The following CCNF variants were observed in gnomAD, a reference collection of about 807,000 sequenced individuals.
CCNF encodes the protein cyclin F.
In CCNF, 30 loss-of-function variants were observed where a neutral mutation model predicts 85.4. The observed-to-expected ratio is 0.35, with a 90% CI of 0.26 to 0.48. The LOEUF (loss-of-function observed/expected upper bound fraction) is 0.48, where lower values mean the gene tolerates loss of function less well. Among genes scored for constraint, CCNF ranks in the 20% least tolerant of loss-of-function variants. CCNF has a pLI of 0.99. For missense variants in CCNF, 919 were observed against 1,010.4 expected (o/e 0.91, Z 1.23); for synonymous variants, 439 against 425.1 (o/e 1.03, Z -0.40).
intron 8 of CCNF, 104 bp downstream of exon 8, chr16:2,439,930 TC>T: frequency 1.0e-6 from 1 of 968,990 alleles, no homozygotes. Context: ...CTATCTGGGC[TC>T]CCACATGGGA....
chr16:2,437,212 G>T lies in CCNF; in HGVS notation c.430G>T (p.Gly144Cys). 6.2e-7 allele frequency: 1 copy of T among 1,612,956 alleles called. No individual in the cohort carries two copies. Among genetic ancestry groups the T allele is most frequent in the South Asian group, 1.1e-5 (1 of 91,004 alleles). ...FFSLAERLNV[G>C]AAPFIWLFIR... is the part of the protein sequence containing the mutation. ...CAGTCTCGCTGAGCGGCTGAATGTG[G>T]GTGCCGCACCTTTCATCTGGCTCTT... Residue 144 changes from glycine to cysteine, a missense_variant, in exon 5 of 17, where the codon GGT (glycine) becomes TGT (cysteine). Physicochemically the swap from Gly to Cys is radical, Grantham distance 159 (BLOSUM62 -3). Coordinates refer to ENST00000397066, the MANE Select transcript of CCNF (RefSeq NM_001761.3).
intron 15 of CCNF, among the ~76,000 whole-genome samples, chr16:2,454,639 T>G (rs1310727780): frequency 1.3e-5 from 2 of 152,214 alleles, no homozygotes; most frequent in Non-Finnish European, 2.9e-5. Flanking sequence ...GCCCACACAC[T>G]GGCCTCTAGC....
At position 2,448,838 on chromosome 16, in the gene CCNF, C is replaced by G. The variant is rs761528479; in HGVS notation, c.1095-17C>G. 1 of 1,612,610 alleles carries G rather than the reference C, an allele frequency of 6.2e-7. No homozygotes were observed. The highest frequency in any genetic ancestry group is 8.5e-7 in the Non-Finnish European group (1 of 1,178,916). On this transcript the variant is annotated splice_polypyrimidine_tract_variant and intron_variant, in intron 10 of 16. Transcript: ENST00000397066. ...AGGAAGTGGGCTCCACCCTGAGACC[C>G]CTTCTCGGCGTTGCAGGTTTATCAG...
At chr16:2,447,879 C>T (rs1268966847) in intron 10 of CCNF, among the ~76,000 whole-genome samples, 1 of 152,180 alleles carries the variant, frequency 6.6e-6, no homozygotes, top group Non-Finnish European at 1.5e-5. Context: ...GTCTTTTTGG[C>T]GTCTGCAGCC....
rs1397029384 is a variant in CCNF, at chr16:2,457,790, A to T, written c.*770A>T. On this transcript the variant is annotated 3_prime_UTR_variant, in exon 17 of 17. Coordinates refer to ENST00000397066, the MANE Select transcript of CCNF (RefSeq NM_001761.3). Reference sequence around the variant, plus strand: ...AGAAAAACTTAAAACAGAAGGTATTAAAAAAACAAGAGATTCCCACCATTA... The same window carrying T: ...AGAAAAACTTAAAACAGAAGGTATTTAAAAAACAAGAGATTCCCACCATTA... 1 of 152,224 alleles carries T rather than the reference A, an allele frequency of 6.6e-6. No individual in the cohort carries two copies. The highest frequency in any genetic ancestry group is 6.5e-5 in the Admixed American group (1 of 15,284). 9.4% of individuals were successfully genotyped at this position (152,224 alleles called of 1,614,324 possible). A position where few individuals can be genotyped will look rare whatever the true frequency, so the allele number is the denominator to read the frequency against.
At chr16:2,449,984 A>C in intron 13 of CCNF, 69 bp downstream of exon 13, 1 of 1,081,872 alleles carries the variant, frequency 9.2e-7, no homozygotes. Flanking sequence ...AGGCGGGCAG[A>C]TCATTTGAGG....
intron 10 of CCNF, 126 bp from the exon 11 acceptor site, chr16:2,448,725 CTGTT>C (rs2065375254): frequency 6.3e-6 from 5 of 794,086 alleles, no homozygotes; most frequent in East Asian, 2.5e-5. Context: ...TATGAAGCCT[CTGTT>C]TGTCACCAAA....
intron 8 of CCNF, among the ~76,000 whole-genome samples, chr16:2,442,943 T>A (rs868459847): frequency 0.022 from 1,391 of 63,692 alleles, 50 homozygotes; most frequent in African/African-American, 0.093. Context: ...TTATTATATA[T>A]TATTATATTA....
intron 8 of CCNF, 36 bp from the exon 9 acceptor site, chr16:2,443,613 G>C: frequency 6.3e-7 from 1 of 1,598,828 alleles, no homozygotes; most frequent in Non-Finnish European, 8.6e-7. Flanking sequence ...CAACATGGCT[G>C]CTGTCTCACG....
chr16:2,455,632 G>A, intron 16 of CCNF, 68 bp downstream of exon 16: 1 of 1,513,602 alleles, frequency 6.6e-7, no homozygotes, highest in Admixed American at 2.0e-5. Flanking sequence ...GAGGGCCTCT[G>A]GGCACCCGGC....
At position 2,437,138 on chromosome 16, in the gene CCNF, C is replaced by A; in HGVS notation, c.356C>A (p.Ser119Tyr). 1 of 1,593,252 alleles carries A rather than the reference C, an allele frequency of 6.3e-7. No homozygotes were observed. Among genetic ancestry groups the A allele is most frequent in the South Asian group, 1.1e-5 (1 of 88,804 alleles). Residue 119 changes from serine (S) to tyrosine (Y), a missense_variant, in exon 5 of 17, where the codon TCT (serine) becomes TAT (tyrosine). Coordinates refer to ENST00000397066, the MANE Select transcript of CCNF (RefSeq NM_001761.3). The part of the protein sequence containing the change: ...AYLYNEGLSV[S>Y]DEARAEVNGL... ...CTGTCTGTCCCCGCAGTGTCTGTGTCTGATGAGGCCCGCGCAGAAGTGAAT... is the reference window on the plus strand; with the variant it reads ...CTGTCTGTCCCCGCAGTGTCTGTGTATGATGAGGCCCGCGCAGAAGTGAAT...
chr16:2,432,330 A>G (rs2065267008), intron 2 of CCNF, among the ~76,000 whole-genome samples: 1 of 152,160 alleles, frequency 6.6e-6, no homozygotes, highest in Admixed American at 6.5e-5. Context: ...TTCATGGGGA[A>G]ATGCCAGCAA....
chr16:2,432,076 C>T (rs1450412201), intron 2 of CCNF, among the ~76,000 whole-genome samples: 4 of 152,084 alleles, frequency 2.6e-5, no homozygotes, highest in African/African-American at 7.2e-5. Flanking sequence ...GTGATCCGCC[C>T]GCCTCGGCCT....
intron 12 of CCNF, 21 bp downstream of exon 12, chr16:2,449,483 G>C: frequency 6.3e-7 from 1 of 1,590,340 alleles, no homozygotes; most frequent in South Asian, 1.1e-5. Context: ...GCCCTTCCCA[G>C]GGATGCCTGT....
At chr16:2,455,353 GCCGT>G in intron 15 of CCNF, 38 bp from the exon 16 acceptor site, 1 of 1,513,650 alleles carries the variant, frequency 6.6e-7, no homozygotes. Flanking sequence ...TCCCAGCGCC[GCCGT>G]CCATGACTGG....
rs1457707260 is a variant in CCNF, at chr16:2,452,768, A to C, written c.1488-442A>C. 2.4e-5 allele frequency: 5 copies of C among 205,924 alleles called. No homozygotes were observed. Among genetic ancestry groups the C allele is most frequent in the Non-Finnish European group, 4.0e-5 (4 of 100,056 alleles). 12.8% of individuals were successfully genotyped at this position (205,924 alleles called of 1,614,324 possible). On this transcript the variant is annotated intron_variant, in intron 13 of 16. Coordinates refer to ENST00000397066, the MANE Select transcript of CCNF (RefSeq NM_001761.3). This position sits in a 1 kb window ranked among gnomAD's most constrained non-coding sequence, Gnocchi z 4.1. The stretch of plus-strand genomic sequence containing the variant: ...TGTCCATGGATGTTTCCCATTCTGT[A>C]CATTCCATATAAATGGCGTCATCGG...
chr16:2,431,195 C>G lies in CCNF; in HGVS notation c.82C>G (p.Arg28Gly), dbSNP rs371901886. Reference protein sequence around the residue: ...PTKRRIRRRPRNLTILSLPED... With the variant: ...PTKRRIRRRPGNLTILSLPED... ...AAAGCGAAGAATAAGGAGGAGGCCC[C>G]GAAACCTGACCATCTTGAGTCTCCC... Residue 28 changes from arginine to glycine, a missense_variant, in exon 2 of 17, where the codon CGA (arginine) becomes GGA (glycine). Around this residue, in one of 3 missense-constraint regions of CCNF, gnomAD observed 410 missense variants for 478.6 expected, o/e 0.86. Transcript: ENST00000397066. 7 of 1,613,956 alleles carry G rather than the reference C, an allele frequency of 4.3e-6. No individual in the cohort carries two copies. In the African/African-American group the frequency reaches 9.3e-5, roughly 22 times the overall value.
intron 10 of CCNF, 73 bp downstream of exon 10, chr16:2,445,695 T>C (rs554099068): frequency 2.2e-6 from 3 of 1,373,120 alleles, no homozygotes; most frequent in Admixed American, 2.2e-5. Context: ...CTGCCCTTCA[T>C]GTGCTCCTCA....
At chr16:2,449,156 G>C in intron 11 of CCNF, 126 bp from the exon 12 acceptor site, 1 of 1,434,242 alleles carries the variant, frequency 7.0e-7, no homozygotes. Context: ...CATCTGCGCT[G>C]GTGCGCTACG....
Sources: allele counts gnomAD v4.1 joint callset (sites outside exome capture counted in the v4.1 genomes callset), GRCh38; gene constraint gnomAD v4.1.1; regional missense constraint gnomAD v4.1.1; non-coding constraint Gnocchi (gnomAD v3.1); transcripts MANE v1.5; gene names NCBI Gene and HGNC (gene_info 2026-07-23, HGNC 2026-07-21).